The following LRCH1 variants were observed in gnomAD, a reference collection of about 807,000 sequenced individuals.
The protein encoded by LRCH1 is leucine rich repeats and calponin homology domain containing 1, also known as leucine-rich repeat and calponin homology domain-containing protein 1.
LRCH1 carries 23 observed loss-of-function variants against 94.9 expected under a neutral mutation model. The observed-to-expected ratio is 0.24, with a 90% CI of 0.17 to 0.34. LRCH1 has a LOEUF of 0.34. LRCH1 is among the 10% of genes least tolerant of loss of function. LRCH1 has a pLI of 1.00. For synonymous variants in LRCH1, 364 were observed against 354.9 expected (o/e 1.03, Z -0.29); for missense variants, 790 against 945.9 (o/e 0.84, Z 2.16).
At chr13:46,604,682 G>C (rs2050668701) in intron 1 of LRCH1, among the ~76,000 whole-genome samples, 2 of 152,190 alleles carry the variant, frequency 1.3e-5, no homozygotes, top group South Asian at 4.1e-4. Flanking sequence ...ATTATCCAAG[G>C]AATGAGATAT....
At chr13:46,669,400 G>A (rs1192901006) in intron 3 of LRCH1, among the ~76,000 whole-genome samples, 1 of 152,072 alleles carries the variant, frequency 6.6e-6, no homozygotes, top group African/African-American at 2.4e-5. Context: ...AGGATTTGCC[G>A]TTTTTGAAGT....
In LRCH1 at chr13:46,568,902, A is replaced by G. The variant is rs115656644; in HGVS notation, c.307+15199A>G. Reference sequence around the variant, plus strand: ...AAATTTACCTATTTACCACTATCCAACTTAAAAAGGAGAACATTTCCAATA... The same window carrying G: ...AAATTTACCTATTTACCACTATCCAGCTTAAAAAGGAGAACATTTCCAATA... On this transcript the variant is annotated intron_variant, in intron 1 of 19. Transcript: ENST00000389797. Among the ~76,000 whole-genome samples, 356 of 152,312 alleles carry G rather than the reference A, an allele frequency of 2.3e-3. 1 individual carries two copies. The highest frequency in any genetic ancestry group is 8.1e-3 in the African/African-American group (337 of 41,564).
chr13:46,710,217 A>C (rs527510462), intron 13 of LRCH1, among the ~76,000 whole-genome samples: 1 of 152,264 alleles, frequency 6.6e-6, no homozygotes, highest in South Asian at 2.1e-4. Context: ...AGCTTGTTTT[A>C]GGTGCTCAGG....
At position 46,742,470 on chromosome 13, in the gene LRCH1, T is replaced by C; in HGVS notation, c.*622T>C. 1 of 986,486 alleles carries C rather than the reference T, an allele frequency of 1.0e-6. No individual in the cohort carries two copies. Among genetic ancestry groups the C allele is most frequent in the Non-Finnish European group, 1.2e-6 (1 of 830,682 alleles). 61.1% of individuals were successfully genotyped at this position (986,486 alleles called of 1,614,324 possible). On this transcript the variant is annotated 3_prime_UTR_variant, in exon 20 of 20. Transcript: ENST00000389797. ...CTAAAAAGGGAGCCGCGAAGGGCGC[T>C]GGGCAGTGTGGCCGCCAACTTCCAC...
chr13:46,734,935 C>CT (rs1197308082), intron 19 of LRCH1, among the ~76,000 whole-genome samples: 6 of 152,182 alleles, frequency 3.9e-5, no homozygotes, highest in Admixed American at 1.3e-4. Context: ...CTGAGATTGA[C>CT]AAAGACTTTT....
intron 1 of LRCH1, among the ~76,000 whole-genome samples, chr13:46,649,959 C>A (rs1273670487): frequency 6.6e-6 from 1 of 151,908 alleles, no homozygotes; most frequent in Non-Finnish European, 1.5e-5. Context: ...GTAAAAAGTT[C>A]TTTAGAGAGC....
intron 1 of LRCH1, among the ~76,000 whole-genome samples, chr13:46,644,662 C>T (rs1025073856): frequency 6.6e-6 from 1 of 152,164 alleles, no homozygotes; most frequent in Non-Finnish European, 1.5e-5. Flanking sequence ...AATTGTAACA[C>T]AAACCCAAGA....
rs118146143 is a variant in LRCH1, at chr13:46,657,924, G to A, written c.452+7579G>A. Among the ~76,000 whole-genome samples the A allele has an allele frequency of 5.6e-3, 845 of 151,850 alleles. 5 individuals carry two copies. Among genetic ancestry groups the A allele is most frequent in the Non-Finnish European group, 8.9e-3 (602 of 67,936 alleles). ...AACCCTTAACTTTGGATAGGAAATA[G>A]GAAAGTGGTTTATCCCTAGGCTACA... On this transcript the variant is annotated intron_variant, in intron 2 of 19. Coordinates refer to ENST00000389797, the MANE Select transcript of LRCH1 (RefSeq NM_001164211.2).
chr13:46,575,908 G>A (rs1447230779), intron 1 of LRCH1, among the ~76,000 whole-genome samples: 1 of 152,188 alleles, frequency 6.6e-6, no homozygotes, highest in Admixed American at 6.5e-5. Flanking sequence ...GAGGGAGAGA[G>A]AATGAGCTTG....
chr13:46,596,189 G>A (rs1434253596), intron 1 of LRCH1, among the ~76,000 whole-genome samples: 1 of 152,176 alleles, frequency 6.6e-6, no homozygotes, highest in Non-Finnish European at 1.5e-5. Flanking sequence ...AACACATCTT[G>A]AGTGCTTATC....
At chr13:46,731,708 G>A (rs1436637087) in intron 18 of LRCH1, among the ~76,000 whole-genome samples, 1 of 152,052 alleles carries the variant, frequency 6.6e-6, no homozygotes, top group Non-Finnish European at 1.5e-5. Flanking sequence ...GCCCAGCCAC[G>A]CTGTAGCCGT....
At position 46,743,526 on chromosome 13, in the gene LRCH1, A is replaced by C; in HGVS notation, c.*1678A>C. Reference sequence around the variant, plus strand: ...TACTCTTCAATCTGTAACACAATAAAATCCCTTTGTACGATGTCTAATGAG... The same window carrying C: ...TACTCTTCAATCTGTAACACAATAACATCCCTTTGTACGATGTCTAATGAG... On this transcript the variant is annotated 3_prime_UTR_variant, in exon 20 of 20. Transcript: ENST00000389797. The C allele has an allele frequency of 1.0e-6, 1 of 985,862 alleles. No homozygotes were observed. Among genetic ancestry groups the C allele is most frequent in the Non-Finnish European group, 1.2e-6 (1 of 829,926 alleles). The allele number at this position is 985,862 out of a possible 1,614,324, so 61.1% of individuals were successfully genotyped here.
Position 46,692,524 on chromosome 13 carries a change from G to T in LRCH1, c.1015-12G>T, listed in dbSNP as rs1237293688. 1 of 1,594,516 alleles carries T rather than the reference G, an allele frequency of 6.3e-7. No homozygotes were observed. Among genetic ancestry groups the T allele is most frequent in the Admixed American group, 1.7e-5 (1 of 59,976 alleles). On this transcript the variant is annotated splice_polypyrimidine_tract_variant and intron_variant, in intron 7 of 19. Coordinates refer to ENST00000389797, the MANE Select transcript of LRCH1 (RefSeq NM_001164211.2). ...CTTCTCTTGAGTTAAACAGTGCACT[G>T]TATCTTTTTAGCCTTCTGACGAAGA...
intron 1 of LRCH1, among the ~76,000 whole-genome samples, chr13:46,595,867 G>GT (rs5803355): frequency 0.027 from 3,991 of 146,392 alleles, 174 homozygotes; most frequent in African/African-American, 0.093. Context: ...GCCTCACATT[G>GT]TTTTTTTTTT....
At chr13:46,608,524 C>T (rs899800579) in intron 1 of LRCH1, among the ~76,000 whole-genome samples, 2 of 152,142 alleles carry the variant, frequency 1.3e-5, no homozygotes, top group Non-Finnish European at 2.9e-5. Context: ...ATTTGATAAA[C>T]ATGATTTTGT....
intron 1 of LRCH1, among the ~76,000 whole-genome samples, chr13:46,570,783 A>G (rs917404658): frequency 2.6e-5 from 4 of 152,268 alleles, no homozygotes; most frequent in Admixed American, 1.3e-4. Context: ...ACACTTGAAC[A>G]GAATGGCAGT....
intron 1 of LRCH1, among the ~76,000 whole-genome samples, chr13:46,559,046 C>G (rs2050101538): frequency 6.6e-6 from 1 of 152,174 alleles, no homozygotes; most frequent in African/African-American, 2.4e-5. Flanking sequence ...ACTTCCACAC[C>G]CTATTCCCAT....
intron 18 of LRCH1, among the ~76,000 whole-genome samples, chr13:46,730,117 A>ATTTATACAAATTTATAC (rs1873026125): frequency 1.3e-5 from 2 of 152,202 alleles, no homozygotes; most frequent in African/African-American, 4.8e-5. Context: ...CAAATAGAGA[A>ATTTATACAAATTTATAC]AAAAGTATCA....
chr13:46,720,124 C>T (rs776250067), intron 16 of LRCH1, among the ~76,000 whole-genome samples: 23 of 152,214 alleles, frequency 1.5e-4, no homozygotes, highest in Admixed American at 1.3e-4. Context: ...CGGTGGCTCA[C>T]GCCTGTAATC....
Sources: gnomAD v4.1 joint callset for allele counts (sites outside exome capture counted in the v4.1 genomes callset) on GRCh38, gnomAD v4.1.1 for gene constraint, MANE v1.5 for transcripts, NCBI Gene and HGNC (gene_info 2026-07-23, HGNC 2026-07-21) for gene names.